UBE3C: variants seen among roughly 807,000 people sequenced by gnomAD.
UBE3C encodes the protein ubiquitin-protein ligase E3C.
A neutral mutation model predicts 129.4 loss-of-function variants in UBE3C; 42 were observed. That is an observed-to-expected ratio of 0.32 (90% CI 0.25 to 0.42). UBE3C has a LOEUF of 0.42. UBE3C is among the 10% of genes least tolerant of loss of function. The pLI, the probability that UBE3C is intolerant of heterozygous loss-of-function variation, is 1.00. For missense variants in UBE3C, 1,049 were observed against 1,319.1 expected (o/e 0.80, Z 3.17); for synonymous variants, 510 against 492.4 (o/e 1.04, Z -0.47).
rs1481989747 is a variant in UBE3C at position 157,197,681 on chromosome 7, C to T, written c.1332-4040C>T. 61 of 1,609,676 alleles carry T rather than the reference C, an allele frequency of 3.8e-5. 1 individual carries two copies. Among genetic ancestry groups the T allele is most frequent in the Middle Eastern group, 3.3e-4 (2 of 6,026 alleles). ...GGCTTTCATCTGTTAGCTCTTTATT[C>T]GGAAATGAAGTCACAAGAATAAAGT... On this transcript the variant is annotated intron_variant, in intron 10 of 22. Coordinates refer to ENST00000348165, the MANE Select transcript of UBE3C (RefSeq NM_014671.3).
chr7:157,180,163 A>T, intron 6 of UBE3C, among the ~76,000 whole-genome samples: 1 of 152,224 alleles, frequency 6.6e-6, no homozygotes, highest in Non-Finnish European at 1.5e-5. Flanking sequence ...ACTTTCTAAC[A>T]GTCGATAAAA....
At chr7:157,174,364 T>C (rs1465450517) in intron 4 of UBE3C, among the ~76,000 whole-genome samples, 1 of 152,240 alleles carries the variant, frequency 6.6e-6, no homozygotes, top group Admixed American at 6.5e-5. Flanking sequence ...TTGTTTCAGA[T>C]TGACATGAGC....
Position 157,268,068 on chromosome 7 carries a change from C to A in UBE3C, c.*313C>A. On this transcript the variant is annotated 3_prime_UTR_variant, in exon 23 of 23. Transcript: ENST00000348165. ...TCAGTGAAATTAACCAAAGATGAAG[C>A]TTTGGCTTTGCTGGTGAGATCAGAG... 4.7e-6 allele frequency: 1 copy of A among 214,304 alleles called. No individual in the cohort carries two copies. Among genetic ancestry groups the A allele is most frequent in the Non-Finnish European group, 9.1e-6 (1 of 109,470 alleles). 13.3% of individuals were successfully genotyped at this position (214,304 alleles called of 1,614,324 possible). A position where few individuals can be genotyped will look rare whatever the true frequency, so the allele number is the denominator to read the frequency against.
intron 18 of UBE3C, among the ~76,000 whole-genome samples, chr7:157,245,503 CTG>C (rs1216200095): frequency 2.0e-5 from 3 of 152,236 alleles, no homozygotes; most frequent in Admixed American, 6.5e-5. Context: ...TTTAAACAAA[CTG>C]TGACTTTTCA....
chr7:157,256,563 A>C (rs990547577), intron 21 of UBE3C: 1 of 164,584 alleles, frequency 6.1e-6, no homozygotes, highest in African/African-American at 2.4e-5. Flanking sequence ...TGCATTTACA[A>C]TCGGTCCTTC....
chr7:157,246,939 G>A (rs1796491958), intron 18 of UBE3C, among the ~76,000 whole-genome samples: 1 of 152,178 alleles, frequency 6.6e-6, no homozygotes, highest in Non-Finnish European at 1.5e-5. Flanking sequence ...TGCCCAGACT[G>A]GAGTGCAGTG....
At chr7:157,251,999 G>A (rs1796631381) in intron 19 of UBE3C, among the ~76,000 whole-genome samples, 1 of 152,060 alleles carries the variant, frequency 6.6e-6, no homozygotes, top group South Asian at 2.1e-4. Context: ...AGCCGGGCGT[G>A]GTGATGTGCA....
chr7:157,143,039 G>A (rs976446503), intron 1 of UBE3C, among the ~76,000 whole-genome samples: 3 of 151,840 alleles, frequency 2.0e-5, no homozygotes, highest in African/African-American at 7.3e-5. Context: ...GGCTAATTTT[G>A]TATTTTTAGT....
At chr7:157,264,496 C>T (rs111265760) in intron 22 of UBE3C, among the ~76,000 whole-genome samples, 6 of 108,622 alleles carry the variant, frequency 5.5e-5, no homozygotes, top group African/African-American at 1.2e-4. Context: ...TACAGGTGTG[C>T]GCCAACATGC....
chr7:157,155,859 A>G (rs905818436), intron 1 of UBE3C, among the ~76,000 whole-genome samples: 6 of 151,918 alleles, frequency 3.9e-5, no homozygotes, highest in African/African-American at 1.5e-4. Flanking sequence ...TAGTTACAGC[A>G]GGGAGCGTGC....
rs576104740 is a variant in UBE3C, at chr7:157,181,359, G to A, written c.617-159G>A. Among the ~76,000 whole-genome samples, 87 of 152,216 alleles carry A rather than the reference G, an allele frequency of 5.7e-4. No homozygotes were observed. The South Asian group carries it at 6.8e-3, about 12-fold the overall frequency. On this transcript the variant is annotated intron_variant, in intron 6 of 22. Transcript: ENST00000348165. ...GGTACATGAGGTTTGTATACCGTTC[G>A]GCTGCCTATATATTTGTTTAGTTTT... is the stretch of plus-strand genomic sequence containing the variant.
intron 1 of UBE3C, among the ~76,000 whole-genome samples, chr7:157,142,241 A>G (rs1443067900): frequency 2.0e-5 from 3 of 152,154 alleles, no homozygotes; most frequent in South Asian, 2.1e-4. Context: ...CATGTCTTAA[A>G]TTATTATTTG....
In UBE3C at chr7:157,139,234, C is replaced by T. The variant is rs187960014; in HGVS notation, c.-39C>T. 2.9e-3 allele frequency: 4,099 copies of T among 1,435,746 alleles called. 84 individuals carry two copies. The African/African-American group carries it at 0.051, about 18-fold the overall frequency. 88.9% of individuals were successfully genotyped at this position (1,435,746 alleles called of 1,614,324 possible). On this transcript the variant is annotated 5_prime_UTR_variant, in exon 1 of 23. Coordinates refer to ENST00000348165, the MANE Select transcript of UBE3C (RefSeq NM_014671.3). ...CCGTGCCCCGCCCGCCCGGCTGCTT[C>T]CGCGGCGGCGCTGCCCGCACATGGG...
chr7:157,162,525 G>A (rs1172762023), intron 1 of UBE3C, among the ~76,000 whole-genome samples: 2 of 149,468 alleles, frequency 1.3e-5, no homozygotes, highest in Non-Finnish European at 3.0e-5. Context: ...TTCATATATA[G>A]TGTCTCCAAT....
In UBE3C at chr7:157,207,810, C is replaced by T. The variant is rs1167573267; in HGVS notation, c.1684C>T (p.Pro562Ser). ...CCTGGGGATCATCAAGTTGGCTTAT[C>T]CAGAAACCAAGCCAGAAGTTCGAGA... ...ACLGIIKLAY[P>S]ETKPEVREEY... Residue 562 changes from proline to serine, a missense_variant, in exon 13 of 23, where the codon CCA becomes TCA. Transcript: ENST00000348165. The T allele has an allele frequency of 6.2e-7, 1 of 1,614,042 alleles. No homozygotes were observed. The highest frequency in any genetic ancestry group is 1.7e-5 in the Admixed American group (1 of 60,006).
chr7:157,146,395 C>A (rs950125745), intron 1 of UBE3C, among the ~76,000 whole-genome samples: 1 of 140,840 alleles, frequency 7.1e-6, no homozygotes, highest in East Asian at 2.1e-4. Context: ...CCACACCTGG[C>A]TACTCTAGTA....
chr7:157,253,849 C>G lies in UBE3C; in HGVS notation c.2695-105C>G, dbSNP rs1796677514. ...TATTTCGTATTTAGATTCTTGTTCA[C>G]AAAGCATCAAGTCCTATTTCCTTAA... On this transcript the variant is annotated intron_variant, in intron 19 of 22. Coordinates refer to ENST00000348165, the MANE Select transcript of UBE3C (RefSeq NM_014671.3). 2.7e-6 allele frequency: 3 copies of G among 1,115,908 alleles called. No homozygotes were observed. In the South Asian group the frequency reaches 5.0e-5, roughly 19 times the overall value. The allele number at this position is 1,115,908 out of a possible 1,614,324, so 69.1% of individuals were successfully genotyped here.
In UBE3C at chr7:157,242,514, G is replaced by T. The variant is rs902488351; in HGVS notation, c.2482-5854G>T. Among the ~76,000 whole-genome samples, 275 of 112,100 alleles carry T rather than the reference G, an allele frequency of 2.5e-3. 3 individuals are homozygous for T. Among genetic ancestry groups the T allele is most frequent in the Admixed American group, 0.02 (228 of 11,302 alleles). 73.5% of individuals were successfully genotyped at this position (112,100 alleles called of 152,430 possible). ...GGTACCTTGAGACTGAGCCTGAGTT[G>T]TTTTTTTTTTTTTTTTTTTTTTTAA... is the stretch of plus-strand genomic sequence containing the variant. On this transcript the variant is annotated intron_variant, in intron 18 of 22. Transcript: ENST00000348165.
At chr7:157,220,360 ATAACT>A (rs1203390226) in intron 14 of UBE3C, among the ~76,000 whole-genome samples, 1 of 152,264 alleles carries the variant, frequency 6.6e-6, no homozygotes, top group African/African-American at 2.4e-5. Flanking sequence ...TTTGATAATA[ATAACT>A]TAATTTTTAA....
Sources: allele counts gnomAD v4.1 joint callset (sites outside exome capture counted in the v4.1 genomes callset), GRCh38; gene constraint gnomAD v4.1.1; transcripts MANE v1.5; gene names NCBI Gene and HGNC (gene_info 2026-07-23, HGNC 2026-07-21).